Variants in MAN1C1 observed in about 807,000 individuals in gnomAD.
The protein encoded by MAN1C1 is mannosidase alpha class 1C member 1.
A neutral mutation model predicts 71.5 loss-of-function variants in MAN1C1; 49 were observed. The ratio of observed to expected loss-of-function variants is 0.69; its 90% confidence interval spans 0.54 to 0.87. MAN1C1 has a LOEUF of 0.87. Ranked by LOEUF, MAN1C1 falls within the 40% of genes least tolerant of loss-of-function variation. MAN1C1 has a pLI of 0.00. For missense variants in MAN1C1, 743 were observed against 835.0 expected (o/e 0.89, Z 1.36); for synonymous variants, 352 against 343.7 (o/e 1.02, Z -0.27).
chr1:25,746,646 C>A lies in MAN1C1; in HGVS notation c.638-22C>A. On this transcript the variant is annotated intron_variant, in intron 2 of 11. Transcript: ENST00000374332. The surrounding 1 kb of genome is among the most constrained non-coding windows in gnomAD (Gnocchi z 4.0). ...AGAGAAAGATGGCCCTGGGTCACAC[C>A]CTCAATGCTCTGTGCCTGCAGGAGG... 1 of 1,568,490 alleles carries A rather than the reference C, an allele frequency of 6.4e-7. No homozygotes were observed. The highest frequency in any genetic ancestry group is 8.8e-7 in the Non-Finnish European group (1 of 1,139,548).
chr1:25,663,956 G>A (rs1320505482), intron 1 of MAN1C1, among the ~76,000 whole-genome samples: 6 of 152,222 alleles, frequency 3.9e-5, no homozygotes, highest in African/African-American at 1.4e-4. Flanking sequence ...AAAACCAGGG[G>A]TTATATGAAT....
intron 2 of MAN1C1, among the ~76,000 whole-genome samples, chr1:25,731,002 C>G (rs561188269): frequency 2.6e-5 from 4 of 152,200 alleles, no homozygotes; most frequent in Non-Finnish European, 4.4e-5. Context: ...GTGCTTCCCC[C>G]ACAATCGCTG....
chr1:25,749,371 G>C, intron 4 of MAN1C1, 36 bp downstream of exon 4: 1 of 1,511,864 alleles, frequency 6.6e-7, no homozygotes, highest in East Asian at 2.3e-5. Context: ...AACTGTCCAG[G>C]CTGGAAAGGG....
chr1:25,629,812 A>G (rs1334179215), intron 1 of MAN1C1, among the ~76,000 whole-genome samples: 1 of 152,024 alleles, frequency 6.6e-6, no homozygotes, highest in Non-Finnish European at 1.5e-5. Flanking sequence ...TATAGTATGC[A>G]AATATTTTCT....
chr1:25,687,788 G>A (rs2046254084), intron 2 of MAN1C1, among the ~76,000 whole-genome samples: 1 of 152,012 alleles, frequency 6.6e-6, no homozygotes, highest in Non-Finnish European at 1.5e-5. Flanking sequence ...CATTATCCTA[G>A]GAGTGTATGG....
intron 1 of MAN1C1, among the ~76,000 whole-genome samples, chr1:25,685,281 G>A (rs1251509361): frequency 6.6e-6 from 1 of 152,230 alleles, no homozygotes; most frequent in African/African-American, 2.4e-5. Context: ...GGCAGAGGTG[G>A]GATTAGAACC....
chr1:25,671,850 T>G lies in MAN1C1; in HGVS notation c.541-14590T>G, dbSNP rs140543410. Among the ~76,000 whole-genome samples the G allele has an allele frequency of 1.0e-3, 159 of 152,314 alleles. 2 individuals are homozygous for G. In the South Asian group the frequency reaches 0.025, roughly 24 times the overall value. On this transcript the variant is annotated intron_variant, in intron 1 of 11. Transcript: ENST00000374332. ...AGGTGTTGGCCAGGCCATGCTGCAT[T>G]CCTTTCTGGAGGTTCTAGGGGAGTG...
chr1:25,652,069 G>A (rs535258183), intron 1 of MAN1C1, among the ~76,000 whole-genome samples: 2 of 152,328 alleles, frequency 1.3e-5, no homozygotes, highest in African/African-American at 4.8e-5. Context: ...TGATCTTTCT[G>A]ATTGGCCTCT....
At chr1:25,750,265 GA>G (rs1447223805) in intron 4 of MAN1C1, among the ~76,000 whole-genome samples, 3 of 152,176 alleles carry the variant, frequency 2.0e-5, no homozygotes, top group East Asian at 3.9e-4. Flanking sequence ...AGAGCTCTTA[GA>G]AATGGGAGGC....
intron 2 of MAN1C1, among the ~76,000 whole-genome samples, chr1:25,687,779 A>G (rs895792022): frequency 5.9e-5 from 9 of 151,748 alleles, no homozygotes; most frequent in African/African-American, 2.2e-4. Flanking sequence ...TATTTTTCTC[A>G]TTATCCTAGG....
At chr1:25,701,519 C>T (rs978043489) in intron 2 of MAN1C1, among the ~76,000 whole-genome samples, 17 of 152,358 alleles carry the variant, frequency 1.1e-4, no homozygotes, top group Non-Finnish European at 1.6e-4. Context: ...CTGCCTCCAA[C>T]GCCCACATTC....
intron 1 of MAN1C1, among the ~76,000 whole-genome samples, chr1:25,621,397 G>A (rs1217991095): frequency 6.6e-6 from 1 of 152,192 alleles, no homozygotes; most frequent in East Asian, 1.9e-4. Context: ...GGAATGTAAA[G>A]GGGTGAAGGC....
intron 2 of MAN1C1, among the ~76,000 whole-genome samples, chr1:25,701,444 G>A (rs2046441750): frequency 6.6e-6 from 1 of 152,190 alleles, no homozygotes; most frequent in African/African-American, 2.4e-5. Flanking sequence ...GGCTGAAAGG[G>A]AGGTGACTTG....
At chr1:25,697,142 C>T (rs1333035768) in intron 2 of MAN1C1, among the ~76,000 whole-genome samples, 1 of 152,122 alleles carries the variant, frequency 6.6e-6, no homozygotes, top group African/African-American at 2.4e-5. Flanking sequence ...TGTATCATAT[C>T]AGAAAGAAAC....
At chr1:25,717,541 A>C (rs1032177562) in intron 2 of MAN1C1, among the ~76,000 whole-genome samples, 1 of 151,524 alleles carries the variant, frequency 6.6e-6, no homozygotes, top group African/African-American at 2.4e-5. Flanking sequence ...AGAATTTGCC[A>C]AATTGTCTTT....
rs1363553452 is a variant in MAN1C1, at chr1:25,774,035, C to T, written c.1257+2263C>T. Among the ~76,000 whole-genome samples, 13 of 152,280 alleles carry T rather than the reference C, an allele frequency of 8.5e-5. No individual in the cohort carries two copies. In the East Asian group the frequency reaches 2.1e-3, roughly 25 times the overall value. Reference sequence around the variant, plus strand: ...GTGTATAGTCAGGGTTGGGAACCACCCACCAAAGACCTTCACCCCTGCCTG... The same window carrying T: ...GTGTATAGTCAGGGTTGGGAACCACTCACCAAAGACCTTCACCCCTGCCTG... On this transcript the variant is annotated intron_variant, in intron 8 of 11. Coordinates refer to ENST00000374332, the MANE Select transcript of MAN1C1 (RefSeq NM_020379.4).
At chr1:25,707,722 T>G (rs2046543379) in intron 2 of MAN1C1, among the ~76,000 whole-genome samples, 1 of 152,246 alleles carries the variant, frequency 6.6e-6, no homozygotes, top group Non-Finnish European at 1.5e-5. Context: ...CCTGGAGATT[T>G]CAGAGATAAA....
intron 6 of MAN1C1, chr1:25,761,397 CTG>C (rs1222126379): frequency 1.3e-5 from 2 of 151,970 alleles, no homozygotes; most frequent in African/African-American, 4.8e-5. Flanking sequence ...ATATACTTAA[CTG>C]TTTTTTAAAT....
rs12407431 is a variant in MAN1C1 at position 25,634,829 on chromosome 1, T to A, written c.540+16492T>A. Among the ~76,000 whole-genome samples the A allele has an allele frequency of 0.09, 13,530 of 150,490 alleles. 1,325 individuals are homozygous for A. Among genetic ancestry groups the A allele is most frequent in the East Asian group, 0.22 (1,137 of 5,160 alleles). On this transcript the variant is annotated intron_variant, in intron 1 of 11. Transcript: ENST00000374332. The surrounding 1 kb of genome is among the most constrained non-coding windows in gnomAD (Gnocchi z 4.6). ...AGCGAGACTCTGTCTCAAAAAAAAA[T>A]AATAATAAAATAAAATAAAAGAATG...
Sources: allele counts gnomAD v4.1 joint callset (sites outside exome capture counted in the v4.1 genomes callset), GRCh38; gene constraint gnomAD v4.1.1; non-coding constraint Gnocchi (gnomAD v3.1); transcripts MANE v1.5; gene names NCBI Gene and HGNC (gene_info 2026-07-23, HGNC 2026-07-21).